Variants in TDRP observed in about 807,000 individuals in gnomAD.
The protein encoded by TDRP is testis development-related protein.
Under a neutral mutation model 10.5 loss-of-function variants are expected in TDRP, and 12 were observed. The ratio of observed to expected loss-of-function variants is 1.15; its 90% confidence interval spans 0.73 to 1.86. The LOEUF is 1.86. Ranked by LOEUF, TDRP falls within the 40% of genes most tolerant of loss-of-function variation. The pLI, the probability that TDRP is intolerant of heterozygous loss-of-function variation, is 0.00. For synonymous variants in TDRP, 139 were observed against 95.4 expected (o/e 1.46, Z -2.67); for missense variants, 353 against 229.2 (o/e 1.54, Z -3.49).
intron 1 of TDRP, 131 bp downstream of exon 1, chr8:544,519 G>T (rs571545657): frequency 1.9e-6 from 1 of 530,488 alleles, no homozygotes; most frequent in South Asian, 9.8e-5. Flanking sequence ...GGAGCTACGC[G>T]GCCCCAACCT....
intron 1 of TDRP, among the ~76,000 whole-genome samples, chr8:519,001 G>C (rs1354891680): frequency 2.6e-5 from 4 of 152,142 alleles, no homozygotes; most frequent in Admixed American, 6.5e-5. Flanking sequence ...TCTGTCACCA[G>C]AAATGCCAAC....
chr8:492,599 A>G lies in TDRP; in HGVS notation c.358T>C (p.Ser120Pro), dbSNP rs114134672. The G allele has an allele frequency of 1.6e-5, 26 of 1,613,982 alleles. No individual in the cohort carries two copies. The South Asian group carries it at 2.3e-4, about 14-fold the overall frequency. Residue 120 changes from serine (S) to proline (P), a missense_variant, in exon 3 of 3, where the codon TCG becomes CCG. Transcript: ENST00000324079. The part of the protein sequence containing the change: ...EPPKLALEDI[S>P]ADPEDTVGGH... ...CCCACGGTGTCCTCAGGGTCAGCCGATATGTCTTCAAGAGCAAGTTTTGGA... is the reference window on the plus strand; with the variant it reads ...CCCACGGTGTCCTCAGGGTCAGCCGGTATGTCTTCAAGAGCAAGTTTTGGA...
chr8:528,712 T>C (rs148368946), intron 1 of TDRP, among the ~76,000 whole-genome samples: 1,912 of 152,320 alleles, frequency 0.013, 45 homozygotes, highest in African/African-American at 0.044. Context: ...TTATGTATTA[T>C]ATGCCTGTAT....
At position 491,601 on chromosome 8, in the gene TDRP, T is replaced by C. The variant is rs1202425904; in HGVS notation, c.*798A>G. ...TATTTTATGCACAGTCTTAACTCTCTATAATGAGCAAGACAATGTTTCCTA... is the reference window on the plus strand; with the variant it reads ...TATTTTATGCACAGTCTTAACTCTCCATAATGAGCAAGACAATGTTTCCTA... On this transcript the variant is annotated 3_prime_UTR_variant, in exon 3 of 3. Transcript: ENST00000324079. 1.3e-6 allele frequency: 2 copies of C among 1,529,632 alleles called. No homozygotes were observed. The highest frequency in any genetic ancestry group is 2.5e-5 in the East Asian group (1 of 40,752). The allele number at this position is 1,529,632 out of a possible 1,614,324, so 94.8% of individuals were successfully genotyped here. A position where few individuals can be genotyped will look rare whatever the true frequency, so the allele number is the denominator to read the frequency against.
rs796430037 is a variant in TDRP at position 491,332 on chromosome 8, T to C, written c.*1067A>G. On this transcript the variant is annotated 3_prime_UTR_variant, in exon 3 of 3. Coordinates refer to ENST00000324079, the MANE Select transcript of TDRP (RefSeq NM_001384899.1). The stretch of plus-strand genomic sequence containing the variant: ...TCAAACCACTTTTATCTAAGAGATA[T>C]CTGCAGGACTTGCTGATAAGAGCCA... 71 of 340,228 alleles carry C rather than the reference T, an allele frequency of 2.1e-4. No homozygotes were observed. Among genetic ancestry groups the C allele is most frequent in the African/African-American group, 1.3e-3 (61 of 47,570 alleles). 21.1% of individuals were successfully genotyped at this position (340,228 alleles called of 1,614,324 possible).
chr8:517,994 A>T (rs1012038827), intron 1 of TDRP, among the ~76,000 whole-genome samples: 2 of 152,172 alleles, frequency 1.3e-5, no homozygotes, highest in African/African-American at 4.8e-5. Context: ...TGGAATTTTA[A>T]ATCTTATGGC....
At chr8:532,868 C>G (rs1380615346) in intron 1 of TDRP, among the ~76,000 whole-genome samples, 2 of 151,996 alleles carry the variant, frequency 1.3e-5, no homozygotes, top group Admixed American at 6.6e-5. Flanking sequence ...TTGCCTACGG[C>G]TGCTTTCACC....
chr8:532,608 A>T (rs975027842), intron 1 of TDRP, among the ~76,000 whole-genome samples: 1 of 152,266 alleles, frequency 6.6e-6, no homozygotes, highest in Non-Finnish European at 1.5e-5. Flanking sequence ...ACTTGCTAAT[A>T]CAATGGAAGC....
intron 1 of TDRP, among the ~76,000 whole-genome samples, chr8:527,563 G>A (rs1440127561): frequency 1.3e-5 from 2 of 152,038 alleles, no homozygotes; most frequent in African/African-American, 2.4e-5. Context: ...AAGACACATA[G>A]GCCAATGAAA....
intron 1 of TDRP, among the ~76,000 whole-genome samples, chr8:514,797 T>A (rs1328638208): frequency 6.6e-6 from 1 of 151,914 alleles, no homozygotes; most frequent in Non-Finnish European, 1.5e-5. Flanking sequence ...GAACATGTGT[T>A]GAGTGTGCCA....
Position 490,209 on chromosome 8 carries a change from CAATA to C in TDRP, c.*2186_*2189del, listed in dbSNP as rs1800929700. On this transcript the variant is annotated 3_prime_UTR_variant, in exon 3 of 3. Coordinates refer to ENST00000324079, the MANE Select transcript of TDRP (RefSeq NM_001384899.1). ...AGATAATTTTTCTCCCAAAGCACAC[CAATA>C]AATATTTATATTAAAAACCACAGTT... is the stretch of plus-strand genomic sequence containing the variant. The C allele has an allele frequency of 6.6e-6, 1 of 152,074 alleles. No individual in the cohort carries two copies. Among genetic ancestry groups the C allele is most frequent in the South Asian group, 2.1e-4 (1 of 4,832 alleles). 9.4% of individuals were successfully genotyped at this position (152,074 alleles called of 1,614,324 possible). A position where few individuals can be genotyped will look rare whatever the true frequency, so the allele number is the denominator to read the frequency against.
chr8:544,693 C>T lies in TDRP; in HGVS notation c.65G>A (p.Arg22His). The change falls in exon 1 of 3, where the codon CGT becomes CAT. Residue 22 changes from arginine to histidine, a missense_variant. Transcript: ENST00000324079. ...DEPPEEEDGL[R>H]GGPPPAAAAA... ...GGCGGCGGCCGGTGGCGGCCCCCCA[C>T]GCAGGCCGTCCTCCTCCTCGGGGGG... 2 of 1,245,892 alleles carry T rather than the reference C, an allele frequency of 1.6e-6. No homozygotes were observed. The highest frequency in any genetic ancestry group is 3.1e-5 in the East Asian group (1 of 31,788). The allele number at this position is 1,245,892 out of a possible 1,614,324, so 77.2% of individuals were successfully genotyped here. A position where few individuals can be genotyped will look rare whatever the true frequency, so the allele number is the denominator to read the frequency against.
intron 1 of TDRP, among the ~76,000 whole-genome samples, chr8:534,272 G>A (rs954342432): frequency 1.3e-5 from 2 of 152,196 alleles, no homozygotes; most frequent in African/African-American, 4.8e-5. Flanking sequence ...CAGTAGTTAT[G>A]TTGTACAAAG....
intron 1 of TDRP, among the ~76,000 whole-genome samples, chr8:521,517 A>T (rs2116823024): frequency 6.6e-6 from 1 of 152,312 alleles, no homozygotes; most frequent in Non-Finnish European, 1.5e-5. Flanking sequence ...TGTGTAATCC[A>T]AGCAGCCCTG....
chr8:516,774 A>C (rs1801767304), intron 1 of TDRP, among the ~76,000 whole-genome samples: 1 of 152,160 alleles, frequency 6.6e-6, no homozygotes, highest in Admixed American at 6.5e-5. Context: ...AAACCAAATG[A>C]CTTGAAAACT....
chr8:493,551 G>A (rs1287298459), intron 2 of TDRP, among the ~76,000 whole-genome samples: 1 of 152,242 alleles, frequency 6.6e-6, no homozygotes, highest in African/African-American at 2.4e-5. Flanking sequence ...GACTCACCAG[G>A]ACTCATCTTC....
intron 2 of TDRP, among the ~76,000 whole-genome samples, chr8:493,974 A>G (rs991647912): frequency 1.4e-5 from 2 of 144,092 alleles, no homozygotes; most frequent in Admixed American, 1.4e-4. Flanking sequence ...TTCATCGAAC[A>G]CCACAACTCA....
At chr8:528,021 T>C (rs1314955881) in intron 1 of TDRP, among the ~76,000 whole-genome samples, 1 of 152,032 alleles carries the variant, frequency 6.6e-6, no homozygotes, top group Non-Finnish European at 1.5e-5. Context: ...TGACAAGGGA[T>C]TAAGAATCAG....
At chr8:506,258 T>G (rs1197849506) in intron 1 of TDRP, among the ~76,000 whole-genome samples, 1 of 152,230 alleles carries the variant, frequency 6.6e-6, no homozygotes, top group Non-Finnish European at 1.5e-5. Flanking sequence ...ATGAAAATTC[T>G]TAAACATTTG....
Sources: allele counts gnomAD v4.1 joint callset (sites outside exome capture counted in the v4.1 genomes callset), GRCh38; gene constraint gnomAD v4.1.1; transcripts MANE v1.5; gene names NCBI Gene and HGNC (gene_info 2026-07-23, HGNC 2026-07-21).